The following TCF20 variants were observed in gnomAD, a reference collection of about 807,000 sequenced individuals.
TCF20 encodes the protein transcription factor 20.
In TCF20, 3 loss-of-function variants were observed where a neutral mutation model predicts 148.6. The ratio of observed to expected loss-of-function variants is 0.02; its 90% CI spans 0.01 to 0.05. The LOEUF (loss-of-function observed/expected upper bound fraction) is 0.05. TCF20 is among the 10% of genes least tolerant of loss of function. The probability of loss-of-function intolerance (pLI) is 1.00; values close to 1 mark genes in which losing one functional copy is unlikely to be tolerated. For synonymous variants in TCF20, 1,049 were observed against 909.5 expected (o/e 1.15, Z -2.76); for missense variants, 2,350 against 2,429.3 (o/e 0.97, Z 0.69).
intron 1 of TCF20, among the ~76,000 whole-genome samples, chr22:42,225,607 C>T (rs371751423): frequency 1.4e-4 from 19 of 132,736 alleles, no homozygotes; most frequent in Non-Finnish European, 2.9e-4. Flanking sequence ...GGCGACAGAG[C>T]GAGACTCCGT....
intron 1 of TCF20, chr22:42,276,582 A>G (rs1926784051): frequency 6.6e-6 from 1 of 152,200 alleles, no homozygotes; most frequent in African/African-American, 2.4e-5. Context: ...CCACTTATTA[A>G]TAGAAGGCAC....
At chr22:42,195,453 T>C (rs1335294812) in intron 2 of TCF20, among the ~76,000 whole-genome samples, 1 of 151,972 alleles carries the variant, frequency 6.6e-6, no homozygotes, top group Non-Finnish European at 1.5e-5. Context: ...TATACGTAGA[T>C]TAAAATTCTG....
chr22:42,254,509 T>C (rs1285687355), intron 1 of TCF20, among the ~76,000 whole-genome samples: 5 of 152,160 alleles, frequency 3.3e-5, no homozygotes, highest in African/African-American at 9.7e-5. Flanking sequence ...TGTAACAGTG[T>C]TTTGTTATAA....
intron 1 of TCF20, among the ~76,000 whole-genome samples, chr22:42,254,967 A>AAAAAAAAAAAAAAAAAAAAAAAAAC: frequency 6.6e-6 from 1 of 150,690 alleles, no homozygotes; most frequent in African/African-American, 2.5e-5. Flanking sequence ...CTCAAAAAAA[A>AAAAAAAAAAAAAAAAAAAAAAAAAC]AAAAAAAAAA....
chr22:42,320,582 C>A (rs1375554231), intron 1 of TCF20, among the ~76,000 whole-genome samples: 1 of 152,244 alleles, frequency 6.6e-6, no homozygotes, highest in Non-Finnish European at 1.5e-5. Flanking sequence ...CACTTCATCT[C>A]CAGGAGAATA....
intron 1 of TCF20, among the ~76,000 whole-genome samples, chr22:42,339,497 C>T (rs559005955): frequency 2.0e-5 from 3 of 152,314 alleles, no homozygotes; most frequent in South Asian, 2.1e-4. Context: ...CTCTGGGCAG[C>T]GAACTGCATG....
intron 2 of TCF20, among the ~76,000 whole-genome samples, chr22:42,183,246 C>T (rs1936866979): frequency 6.6e-6 from 1 of 152,208 alleles, no homozygotes; most frequent in Non-Finnish European, 1.5e-5. Flanking sequence ...TGTTCTGTCT[C>T]CTACAGAGCA....
At chr22:42,295,644 T>A (rs190074426) in intron 1 of TCF20, among the ~76,000 whole-genome samples, 69 of 152,134 alleles carry the variant, frequency 4.5e-4, no homozygotes, top group Admixed American at 4.4e-3. Context: ...GGTTTCTCCA[T>A]GTTGAGGCTA....
At chr22:42,252,542 C>T (rs1379187527) in intron 1 of TCF20, among the ~76,000 whole-genome samples, 1 of 152,138 alleles carries the variant, frequency 6.6e-6, no homozygotes, top group Non-Finnish European at 1.5e-5. Context: ...CCTCCACCTC[C>T]CAGGTTTAAG....
upstream of TCF20, among the ~76,000 whole-genome samples, chr22:42,272,152 A>T (rs576662957): frequency 7.2e-5 from 11 of 152,356 alleles, no homozygotes; most frequent in East Asian, 2.1e-3. Flanking sequence ...TCCGGGGCAG[A>T]GCTGAACAAG....
At chr22:42,206,071 G>T (rs1003706126) in intron 2 of TCF20, among the ~76,000 whole-genome samples, 1 of 152,150 alleles carries the variant, frequency 6.6e-6, no homozygotes, top group Non-Finnish European at 1.5e-5. Flanking sequence ...ATCATGCTCG[G>T]CCCAAGACCT....
chr22:42,225,620 C>CAAA lies in TCF20; in HGVS notation c.-36-10282_-36-10280dup, dbSNP rs57952215. 4.0e-4 allele frequency among the ~76,000 whole-genome samples: 30 copies of CAAA among 74,668 alleles called. No homozygotes were observed. The East Asian group carries it at 5.5e-3, about 14-fold the overall frequency. 49.0% of individuals were successfully genotyped at this position (74,668 alleles called of 152,430 possible). A position where few individuals can be genotyped will look rare whatever the true frequency, so the allele number is the denominator to read the frequency against. ...TGGGCGACAGAGCGAGACTCCGTCT[C>CAAA]AAAAAAAAAAAAAAAAAAAAAATTA... On this transcript the variant is annotated intron_variant, in intron 1 of 5. Transcript: ENST00000677622.
At chr22:42,238,404 G>C (rs899071848) in intron 1 of TCF20, among the ~76,000 whole-genome samples, 1 of 152,188 alleles carries the variant, frequency 6.6e-6, no homozygotes, top group Non-Finnish European at 1.5e-5. Flanking sequence ...TTCCATATCA[G>C]CAATAAGCTG....
At chr22:42,219,870 A>T (rs1054949061) in intron 1 of TCF20, among the ~76,000 whole-genome samples, 14 of 152,070 alleles carry the variant, frequency 9.2e-5, no homozygotes, top group African/African-American at 3.1e-4. Context: ...AATAAATAAA[A>T]AAGAGGCCTA....
At position 42,161,086 on chromosome 22, in the gene TCF20, T is replaced by A. The variant is rs1006606373; in HGVS notation, c.*317A>T. 7.1e-6 allele frequency: 3 copies of A among 420,476 alleles called. No homozygotes were observed. Among genetic ancestry groups the A allele is most frequent in the Admixed American group, 8.0e-5 (2 of 25,110 alleles). 26.0% of individuals were successfully genotyped at this position (420,476 alleles called of 1,614,324 possible). The stretch of plus-strand genomic sequence containing the variant: ...TATATATTTATCCCTCCCTTTTAAT[T>A]CCCCCCACCCTTTCCCCATCATCCC... On this transcript the variant is annotated 3_prime_UTR_variant, in exon 6 of 6. Coordinates refer to ENST00000677622, the MANE Select transcript of TCF20 (RefSeq NM_001378418.1).
chr22:42,265,421 A>G (rs1242961052), intron 1 of TCF20, among the ~76,000 whole-genome samples: 1 of 152,130 alleles, frequency 6.6e-6, no homozygotes, highest in Admixed American at 6.5e-5. Flanking sequence ...TGATCCTCAC[A>G]CCTCAGCCTC....
chr22:42,189,555 G>A (rs763017737), intron 2 of TCF20, among the ~76,000 whole-genome samples: 3 of 152,212 alleles, frequency 2.0e-5, no homozygotes, highest in Non-Finnish European at 4.4e-5. Flanking sequence ...ATAGCTCAGG[G>A]TTTTGAGTAA....
At position 42,213,562 on chromosome 22, in the gene TCF20, T is replaced by C. The variant is rs376787114; in HGVS notation, c.1744A>G (p.Thr582Ala). 49 of 1,614,148 alleles carry C rather than the reference T, an allele frequency of 3.0e-5. No individual in the cohort carries two copies. The Middle Eastern group carries it at 6.6e-4, about 22-fold the overall frequency. Residue 582 changes from threonine (T) to alanine (A), a missense_variant, in exon 2 of 6, where the codon ACC becomes GCC. By Grantham distance (58) the Thr-to-Ala change is moderately conservative. Coordinates refer to ENST00000677622, the MANE Select transcript of TCF20 (RefSeq NM_001378418.1). ...GGCATGTCCTTAGCGCCTGGTGAGG[T>C]GGCCTCTTCTCTTGCGGCAGGACTA... ...NASPAAREEA[T>A]SPGAKDMPLS...
intron 3 of TCF20, among the ~76,000 whole-genome samples, chr22:42,177,117 TA>T (rs1936499444): frequency 6.6e-6 from 1 of 152,018 alleles, no homozygotes. Flanking sequence ...TACTGTCCAT[TA>T]AAAAAAGTAA....
Sources: gnomAD v4.1 joint callset for allele counts (sites outside exome capture counted in the v4.1 genomes callset) on GRCh38, gnomAD v4.1.1 for gene constraint, MANE v1.5 for transcripts, NCBI Gene and HGNC (gene_info 2026-07-23, HGNC 2026-07-21) for gene names.